The following SPAST variants were observed in gnomAD, a reference collection of about 807,000 sequenced individuals.
SPAST encodes the protein spastin, also known as spastic paraplegia 4 (autosomal dominant; spastin).
Under a neutral mutation model 76.6 loss-of-function variants are expected in SPAST, and 30 were observed. The ratio of observed to expected loss-of-function variants is 0.39; its 90% CI spans 0.29 to 0.53. The LOEUF (loss-of-function observed/expected upper bound fraction) is 0.53. Among genes scored for constraint, SPAST ranks in the 20% least tolerant of loss-of-function variants. The pLI is 0.68. For missense variants in SPAST, 717 were observed against 770.5 expected (o/e 0.93, Z 0.82); for synonymous variants, 305 against 281.0 (o/e 1.09, Z -0.86).
intron 3 of SPAST, among the ~76,000 whole-genome samples, chr2:32,094,310 C>T (rs1302213099): frequency 6.6e-6 from 1 of 151,976 alleles, no homozygotes. Context: ...CCTCTGCCTC[C>T]CGGGTTCAAG....
intron 1 of SPAST, among the ~76,000 whole-genome samples, chr2:32,074,048 T>C (rs899653155): frequency 9.2e-5 from 14 of 152,124 alleles, no homozygotes; most frequent in Admixed American, 5.9e-4. Flanking sequence ...AGAACACACA[T>C]ATGTAATAAC....
intron 1 of SPAST, among the ~76,000 whole-genome samples, chr2:32,086,585 G>T (rs544283776): frequency 6.6e-6 from 1 of 151,722 alleles, no homozygotes; most frequent in African/African-American, 2.4e-5. Flanking sequence ...TGAAAACCCC[G>T]TCTTTATACT....
At chr2:32,136,999 G>T in intron 11 of SPAST, 31 bp downstream of exon 11, 1 of 1,553,302 alleles carries the variant, frequency 6.4e-7, no homozygotes, top group South Asian at 1.1e-5. Flanking sequence ...TTTTAATGTG[G>T]CAGCATTTTA....
At chr2:32,146,486 G>A (rs1351434486) in intron 15 of SPAST, among the ~76,000 whole-genome samples, 2 of 152,098 alleles carry the variant, frequency 1.3e-5, no homozygotes, top group African/African-American at 2.4e-5. Context: ...ACTTGAGCCT[G>A]GAAGGTGCAG....
At chr2:32,094,131 C>T (rs767229263) in intron 3 of SPAST, among the ~76,000 whole-genome samples, 21 of 152,168 alleles carry the variant, frequency 1.4e-4, no homozygotes, top group Non-Finnish European at 2.9e-4. Context: ...TATTAATACA[C>T]GTTTGTACAC....
intron 1 of SPAST, 67 bp from the exon 2 acceptor site, chr2:32,087,425 A>G: frequency 1.0e-6 from 1 of 957,868 alleles, no homozygotes; most frequent in Non-Finnish European, 1.7e-6. Context: ...TTACCTCTCA[A>G]CAGCATGATT....
In SPAST at chr2:32,154,364, A is replaced by C. The variant is rs767987347; in HGVS notation, c.1729-10A>C. 6.2e-7 allele frequency: 1 copy of C among 1,611,366 alleles called. No homozygotes were observed. The highest frequency in any genetic ancestry group is 1.1e-5 in the South Asian group (1 of 91,014). The stretch of plus-strand genomic sequence containing the variant: ...TCATTTGTATTGTCATGTGCTTTTT[A>C]AAAATCTAGATGAGAAATATTCGAT... On this transcript the variant is annotated splice_polypyrimidine_tract_variant and intron_variant, in intron 16 of 16. Coordinates refer to ENST00000315285, the MANE Select transcript of SPAST (RefSeq NM_014946.4).
chr2:32,144,884 C>CA (rs1553319513), intron 14 of SPAST, 53 bp from the exon 15 acceptor site: 176 of 1,312,296 alleles, frequency 1.3e-4, no homozygotes, highest in Middle Eastern at 1.8e-4. Context: ...AACTCCATCT[C>CA]AAAAAAAAGC....
rs913336727 is a variant in SPAST at position 32,107,240 on chromosome 2, CT to C, written c.683-7388del. 1.3e-3 allele frequency among the ~76,000 whole-genome samples: 195 copies of C among 148,974 alleles called. 3 individuals carry two copies. Among genetic ancestry groups the C allele is most frequent in the African/African-American group, 4.4e-3 (179 of 40,692 alleles). ...ATCCAAAATGCTCTAAAATTCGACT[CT>C]TTTTTTTTTGAGATGAAGTCTTCCT... On this transcript the variant is annotated intron_variant, in intron 4 of 16. Transcript: ENST00000315285.
intron 3 of SPAST, among the ~76,000 whole-genome samples, chr2:32,096,760 A>G (rs1285249728): frequency 6.6e-6 from 1 of 152,208 alleles, no homozygotes; most frequent in African/African-American, 2.4e-5. Context: ...ACGGATGTCT[A>G]CATTTACAAA....
At position 32,121,175 on chromosome 2, in the gene SPAST, G is replaced by A. The variant is rs546034493; in HGVS notation, c.1098+4963G>A. ...TTTTTTAGGTGGGGGCAGGGGGGAA[G>A]GAGTCTCACTCTTCTCACCCAGGCT... On this transcript the variant is annotated intron_variant, in intron 7 of 16. Transcript: ENST00000315285. 5.3e-5 allele frequency among the ~76,000 whole-genome samples: 8 copies of A among 152,060 alleles called. No individual in the cohort carries two copies. In the East Asian group the frequency reaches 1.5e-3, roughly 29 times the overall value.
chr2:32,071,614 CAT>C (rs1282730150), intron 1 of SPAST, among the ~76,000 whole-genome samples: 1 of 152,110 alleles, frequency 6.6e-6, no homozygotes, highest in African/African-American at 2.4e-5. Flanking sequence ...GTCAGTTAAA[CAT>C]GTAAGATGTA....
intron 7 of SPAST, among the ~76,000 whole-genome samples, chr2:32,121,321 T>C (rs1416019810): frequency 6.6e-6 from 1 of 150,636 alleles, no homozygotes; most frequent in African/African-American, 2.4e-5. Context: ...CCCAGCTAAT[T>C]TTTGTATTTT....
At chr2:32,075,437 A>T (rs1205697299) in intron 1 of SPAST, among the ~76,000 whole-genome samples, 1 of 149,592 alleles carries the variant, frequency 6.7e-6, no homozygotes, top group African/African-American at 2.4e-5. Flanking sequence ...AAAAAAAAAA[A>T]AAAAAAAAAT....
chr2:32,083,521 A>T (rs193134432), intron 1 of SPAST, among the ~76,000 whole-genome samples: 1 of 150,942 alleles, frequency 6.6e-6, no homozygotes, highest in Non-Finnish European at 1.5e-5. Context: ...GCCATTCAAA[A>T]TTGGGTGCAT....
chr2:32,142,788 A>C (rs1169359231), intron 13 of SPAST, among the ~76,000 whole-genome samples: 1 of 152,180 alleles, frequency 6.6e-6, no homozygotes, highest in African/African-American at 2.4e-5. Flanking sequence ...GGTATGAGTG[A>C]ACTAAAAAGT....
intron 9 of SPAST, chr2:32,130,252 G>A (rs565362465): frequency 6.6e-6 from 1 of 152,262 alleles, no homozygotes; most frequent in South Asian, 2.1e-4. Flanking sequence ...CCACGATCAT[G>A]CCAATGCATT....
intron 1 of SPAST, among the ~76,000 whole-genome samples, chr2:32,082,560 G>A (rs552322448): frequency 2.2e-4 from 33 of 152,162 alleles, no homozygotes; most frequent in African/African-American, 7.9e-4. Flanking sequence ...GCCGGGCGTG[G>A]TGGCACGTGC....
chr2:32,107,832 A>G (rs1446829168), intron 4 of SPAST, among the ~76,000 whole-genome samples: 1 of 152,186 alleles, frequency 6.6e-6, no homozygotes, highest in Non-Finnish European at 1.5e-5. Context: ...AGTGAGTCCA[A>G]GTAGATCACT....
Sources: allele counts gnomAD v4.1 joint callset (sites outside exome capture counted in the v4.1 genomes callset), GRCh38; gene constraint gnomAD v4.1.1; transcripts MANE v1.5; gene names NCBI Gene and HGNC (gene_info 2026-07-23, HGNC 2026-07-21).